Variants in STK33 observed in about 807,000 individuals in gnomAD.
STK33 encodes serine/threonine-protein kinase 33.
A neutral mutation model predicts 58.0 loss-of-function variants in STK33; 52 were observed. That is an observed-to-expected ratio of 0.90 (90% CI 0.72 to 1.13). The LOEUF (loss-of-function observed/expected upper bound fraction) is 1.13. Among genes scored for constraint, STK33 ranks in the 50% most tolerant of loss-of-function variants. STK33 has a pLI of 0.00. For missense variants in STK33, 630 were observed against 604.2 expected (o/e 1.04, Z -0.45); for synonymous variants, 215 against 200.1 (o/e 1.07, Z -0.63).
chr11:8,532,732 A>G (rs1446083585), intron 1 of STK33, among the ~76,000 whole-genome samples: 1 of 152,248 alleles, frequency 6.6e-6, no homozygotes, highest in Non-Finnish European at 1.5e-5. Context: ...TGTCTTCTAC[A>G]CACATTGAAA....
At chr11:8,404,710 T>C (rs1590791167) in intron 15 of STK33, among the ~76,000 whole-genome samples, 2 of 152,268 alleles carry the variant, frequency 1.3e-5, no homozygotes, top group East Asian at 3.8e-4. Context: ...ATTTGTTTAC[T>C]CATTCTTCTG....
chr11:8,367,500 T>G, the STK33 span, among the ~76,000 whole-genome samples: 1 of 152,202 alleles, frequency 6.6e-6, no homozygotes, highest in Non-Finnish European at 1.5e-5. Context: ...TAGATCTTCC[T>G]GCACTGTGAC....
chr11:8,470,962 T>C (rs1018227481), intron 6 of STK33, among the ~76,000 whole-genome samples: 3 of 152,202 alleles, frequency 2.0e-5, no homozygotes, highest in Admixed American at 1.3e-4. Flanking sequence ...AATGAGCACA[T>C]GCTGTTGGAA....
the STK33 span, among the ~76,000 whole-genome samples, chr11:8,360,768 T>A: frequency 6.6e-6 from 1 of 152,254 alleles, no homozygotes; most frequent in Non-Finnish European, 1.5e-5. Flanking sequence ...CCTTGTCATG[T>A]GTTCCCTCCA....
intron 14 of STK33, among the ~76,000 whole-genome samples, chr11:8,424,234 C>T (rs564805934): frequency 6.0e-5 from 9 of 150,092 alleles, no homozygotes; most frequent in South Asian, 2.1e-4. Context: ...TGAGAACATG[C>T]GGTGTTTGGC....
chr11:8,593,073 G>T (rs1442577420), intron 1 of STK33, among the ~76,000 whole-genome samples: 1 of 152,204 alleles, frequency 6.6e-6, no homozygotes, highest in African/African-American at 2.4e-5. Context: ...GGAAGAAAGT[G>T]CGAGGTGTCA....
chr11:8,391,153 T>A (rs1450915286), downstream of STK33, among the ~76,000 whole-genome samples: 3 of 152,184 alleles, frequency 2.0e-5, no homozygotes, highest in Admixed American at 6.5e-5. Context: ...ACACGCCCTT[T>A]AAAGACTGGC....
intron 8 of STK33, among the ~76,000 whole-genome samples, chr11:8,457,882 G>C (rs1241154209): frequency 6.6e-6 from 1 of 152,156 alleles, no homozygotes; most frequent in East Asian, 1.9e-4. Flanking sequence ...AGACTCCAAA[G>C]CTTGAAACAG....
At chr11:8,523,184 C>A (rs1419116807) in intron 1 of STK33, among the ~76,000 whole-genome samples, 2 of 152,216 alleles carry the variant, frequency 1.3e-5, no homozygotes, top group East Asian at 3.9e-4. Flanking sequence ...TCCCAAAGTG[C>A]CGAGATTGCA....
At chr11:8,452,944 T>C (rs759750937) in intron 10 of STK33, 38 bp from the exon 11 acceptor site, 1 of 1,553,704 alleles carries the variant, frequency 6.4e-7, no homozygotes, top group Non-Finnish European at 8.9e-7. Flanking sequence ...CCTGTTTTCC[T>C]GTCCTAGAGC....
intron 1 of STK33, among the ~76,000 whole-genome samples, chr11:8,534,566 C>CG (rs1954829972): frequency 9.4e-6 from 1 of 106,398 alleles, no homozygotes; most frequent in East Asian, 2.6e-4. Flanking sequence ...CTCTCTCTCT[C>CG]TCTGTGTGTG....
At chr11:8,443,855 CTGGGAATGATGGCACATGCCTGTGCTCCT>C (rs1195182699) in intron 11 of STK33, among the ~76,000 whole-genome samples, 1 of 151,956 alleles carries the variant, frequency 6.6e-6, no homozygotes, top group African/African-American at 2.4e-5. Context: ...AAAAAGTTAT[CTGGGAATGATGGCACATGCCTGTGCTCCT>C]TGCTCCTGGC....
intron 1 of STK33, among the ~76,000 whole-genome samples, chr11:8,523,500 G>A (rs564887585): frequency 0.011 from 1,632 of 150,744 alleles, 8 homozygotes; most frequent in Middle Eastern, 0.021. Flanking sequence ...TCTGAGAAGC[G>A]AGGAGCCCCT....
intron 1 of STK33, among the ~76,000 whole-genome samples, chr11:8,481,249 A>G (rs984126065): frequency 3.9e-5 from 6 of 152,230 alleles, no homozygotes; most frequent in Admixed American, 2.6e-4. Context: ...TGACAACTCC[A>G]AACAGTCTAC....
At chr11:8,526,865 A>G (rs983375181) in intron 1 of STK33, among the ~76,000 whole-genome samples, 2 of 148,996 alleles carry the variant, frequency 1.3e-5, no homozygotes, top group African/African-American at 4.9e-5. Context: ...TAGATACTGT[A>G]AGATTCTGTT....
At chr11:8,345,710 G>T in the STK33 span, among the ~76,000 whole-genome samples, 5 of 152,228 alleles carry the variant, frequency 3.3e-5, no homozygotes, top group Non-Finnish European at 7.3e-5. Flanking sequence ...GATGCTGAAG[G>T]GTTCCCCACA....
At chr11:8,511,576 T>A (rs779002591) in intron 1 of STK33, among the ~76,000 whole-genome samples, 2 of 152,170 alleles carry the variant, frequency 1.3e-5, no homozygotes, top group African/African-American at 2.4e-5. Flanking sequence ...GGAAATGCTT[T>A]CAACTTTTCC....
intron 15 of STK33, among the ~76,000 whole-genome samples, chr11:8,403,020 C>G (rs1470240710): frequency 6.6e-6 from 1 of 152,042 alleles, no homozygotes; most frequent in Admixed American, 6.6e-5. Flanking sequence ...TCAGGAAAAG[C>G]AAATAGAAGG....
chr11:8,488,068 C>T (rs963825364), intron 1 of STK33, among the ~76,000 whole-genome samples: 1 of 152,114 alleles, frequency 6.6e-6, no homozygotes, highest in Non-Finnish European at 1.5e-5. Context: ...AGGGCTCTTT[C>T]AAATGTTCAT....
Sources: gnomAD v4.1 joint callset for allele counts (sites outside exome capture counted in the v4.1 genomes callset) on GRCh38, gnomAD v4.1.1 for gene constraint, MANE v1.5 for transcripts, NCBI Gene and HGNC (gene_info 2026-07-23, HGNC 2026-07-21) for gene names.